Variants in C9orf43 observed in about 807,000 individuals in gnomAD.
C9orf43 encodes chromosome 9 open reading frame 43, also known as uncharacterized protein C9orf43.
In C9orf43, 45 loss-of-function variants were observed where a neutral mutation model predicts 59.1. That is an observed-to-expected ratio of 0.76 (90% CI 0.60 to 0.98). The LOEUF (loss-of-function observed/expected upper bound fraction) is 0.98. C9orf43 is among the 50% of genes least tolerant of loss of function. The pLI is 0.00. For synonymous variants in C9orf43, 203 were observed against 196.8 expected (o/e 1.03, Z -0.26); for missense variants, 533 against 554.9 (o/e 0.96, Z 0.40).
At chr9:113,419,310 T>G in intron 4 of C9orf43, 145 bp downstream of exon 4, 936 of 522,896 alleles carry the variant, frequency 1.8e-3, no homozygotes, top group East Asian at 3.7e-3. Context: ...TATTGGGCCC[T>G]TCCTGTATGC....
rs772986146 is a variant in C9orf43 at position 113,425,681 on chromosome 9, G to C, written c.981G>C (p.Gln327His). The change falls in exon 11 of 14, where the codon CAG becomes CAC. Residue 327 changes from glutamine (Q) to histidine (H), a missense_variant. Transcript: ENST00000374165. ...AAGCCAAGAGTGATCCAGGGATCCA[G>C]AGCACTTCACATAAACATCCAGTTA... ...KKKAKSDPGIQSTSHKHPVTT... is the reference protein window; with the variant it reads ...KKKAKSDPGIHSTSHKHPVTT... 2.5e-6 allele frequency: 4 copies of C among 1,614,150 alleles called. No individual in the cohort carries two copies. The highest frequency in any genetic ancestry group is 3.4e-6 in the Non-Finnish European group (4 of 1,180,010).
chr9:113,423,508 A>G lies in C9orf43; in HGVS notation c.656+10A>G, dbSNP rs1345105637. On this transcript the variant is annotated intron_variant, in intron 7 of 13. Coordinates refer to ENST00000374165, the MANE Select transcript of C9orf43 (RefSeq NM_001278629.2). ...AGGATCTACTGAAGGAGTAAGTATCATGTAGGTCTGTGGGAGAGCCAGAGC... is the reference window on the plus strand; with the variant it reads ...AGGATCTACTGAAGGAGTAAGTATCGTGTAGGTCTGTGGGAGAGCCAGAGC... The G allele has an allele frequency of 1.2e-6, 2 of 1,607,242 alleles. No homozygotes were observed. Among genetic ancestry groups the G allele is most frequent in the Non-Finnish European group, 1.7e-6 (2 of 1,174,174 alleles).
chr9:113,422,678 C>G (rs1018771724), intron 6 of C9orf43, 93 bp downstream of exon 6: 15 of 1,437,798 alleles, frequency 1.0e-5, no homozygotes, highest in Non-Finnish European at 1.4e-5. Flanking sequence ...TACCCCCGTT[C>G]TTTCCTGAAA....
At position 113,429,531 on chromosome 9, in the gene C9orf43, G is replaced by C; in HGVS notation, c.*145G>C. On this transcript the variant is annotated 3_prime_UTR_variant, in exon 14 of 14. Transcript: ENST00000374165. ...CTCTCTGGAGCCTTTACCAGGGCCT[G>C]AGCTCTGAGCTTAGGGATTCCATTT... The C allele has an allele frequency of 1.6e-6, 1 of 644,740 alleles. No homozygotes were observed. The allele number at this position is 644,740 out of a possible 1,614,324, so 39.9% of individuals were successfully genotyped here.
At position 113,429,256 on chromosome 9, in the gene C9orf43, A is replaced by T. The variant is rs1416595880; in HGVS notation, c.1256A>T (p.Gln419Leu). The stretch of plus-strand genomic sequence containing the variant: ...GTGCCAGAAGCCCAGGCTGCCAGGC[A>T]AAAGAAGATCTCCTTTAACTTTTCA... ...DAVPEAQAAR[Q>L]KKISFNFSEI... The change falls in exon 14 of 14, where the codon CAA becomes CTA. Residue 419 changes from glutamine (Q) to leucine (L), a missense_variant. By Grantham distance (113) the Gln-to-Leu change is moderately radical. Coordinates refer to ENST00000374165, the MANE Select transcript of C9orf43 (RefSeq NM_001278629.2). The T allele has an allele frequency of 4.3e-6, 7 of 1,614,144 alleles. No homozygotes were observed.
intron 12 of C9orf43, 123 bp downstream of exon 12, chr9:113,428,346 T>C (rs1828866399): frequency 2.0e-6 from 2 of 983,544 alleles, no homozygotes; most frequent in Non-Finnish European, 1.6e-6. Context: ...ACTGGACAGT[T>C]GTTCTTCTCC....
At chr9:113,426,933 T>C (rs747675118) in intron 11 of C9orf43, among the ~76,000 whole-genome samples, 2 of 152,102 alleles carry the variant, frequency 1.3e-5, no homozygotes, top group African/African-American at 2.4e-5. Flanking sequence ...TTTCCTGATA[T>C]GGGAAAGAAC....
At chr9:113,418,505 G>A (rs1014507015) in intron 3 of C9orf43, among the ~76,000 whole-genome samples, 2 of 152,162 alleles carry the variant, frequency 1.3e-5, no homozygotes, top group South Asian at 4.1e-4. Flanking sequence ...CAATGGTAAA[G>A]TTTAATTTAT....
chr9:113,410,947 A>C lies in C9orf43; in HGVS notation c.-104A>C. On this transcript the variant is annotated 5_prime_UTR_variant, in exon 1 of 14. Transcript: ENST00000374165. Reference sequence around the variant, plus strand: ...GAGTGGGCAGTCTTTTTCCATCTCTACCGAAGTTGATGTTCATTTTTAATC... The same window carrying C: ...GAGTGGGCAGTCTTTTTCCATCTCTCCCGAAGTTGATGTTCATTTTTAATC... 1.0e-6 allele frequency: 1 copy of C among 986,158 alleles called. No individual in the cohort carries two copies. Among genetic ancestry groups the C allele is most frequent in the Non-Finnish European group, 1.2e-6 (1 of 830,408 alleles). 61.1% of individuals were successfully genotyped at this position (986,158 alleles called of 1,614,324 possible).
At chr9:113,417,669 G>T (rs566274784) in intron 3 of C9orf43, among the ~76,000 whole-genome samples, 1 of 152,334 alleles carries the variant, frequency 6.6e-6, no homozygotes, top group East Asian at 1.9e-4. Flanking sequence ...TGAAATGGGG[G>T]TTGTAGGTGG....
chr9:113,411,429 G>T (rs35120599), intron 1 of C9orf43, among the ~76,000 whole-genome samples: 1 of 151,590 alleles, frequency 6.6e-6, no homozygotes, highest in African/African-American at 2.4e-5. Context: ...CTCCTTAGTA[G>T]CTGGGACTAC....
At position 113,410,750 on chromosome 9, in the gene C9orf43, ACC is replaced by A. The variant is rs1489847885; in HGVS notation, c.-299_-298del. On this transcript the variant is annotated 5_prime_UTR_variant, in exon 1 of 14. Transcript: ENST00000374165. ...ACTCGGCGGGGCGGATCCCTTTAGG[ACC>A]CGAGGCAGGCTCTGGGCCCGCCGGG... The A allele has an allele frequency of 4.8e-5, 10 of 206,742 alleles. No individual in the cohort carries two copies. The highest frequency in any genetic ancestry group is 2.1e-4 in the African/African-American group (9 of 42,888). The allele number at this position is 206,742 out of a possible 1,614,324, so 12.8% of individuals were successfully genotyped here.
chr9:113,421,324 GAGA>G lies in C9orf43; in HGVS notation c.446+124_446+126del, dbSNP rs1828562989. 2 of 693,684 alleles carry G rather than the reference GAGA, an allele frequency of 2.9e-6. 1 individual carries two copies. The highest frequency in any genetic ancestry group is 4.6e-5 in the Admixed American group (2 of 43,258). The allele number at this position is 693,684 out of a possible 1,614,324, so 43.0% of individuals were successfully genotyped here. Reference sequence around the variant, plus strand: ...ATTGCAAGTAGCAGGAGGCCAAGCAGAGAAGGTCGTGGTCTGTTGCATCTGCCT... The same window carrying G: ...ATTGCAAGTAGCAGGAGGCCAAGCAGAGGTCGTGGTCTGTTGCATCTGCCT... On this transcript the variant is annotated intron_variant, in intron 5 of 13. Transcript: ENST00000374165.
intron 4 of C9orf43, 103 bp downstream of exon 4, chr9:113,419,268 TC>T: frequency 1.2e-6 from 1 of 857,022 alleles, no homozygotes; most frequent in South Asian, 1.7e-5. Context: ...AGGACTAAAA[TC>T]TGAATAGTAA....
Position 113,425,738 on chromosome 9 carries a change from G to A in C9orf43, c.1030+8G>A. 6.2e-7 allele frequency: 1 copy of A among 1,607,472 alleles called. No homozygotes were observed. On this transcript the variant is annotated splice_region_variant and intron_variant, in intron 11 of 13. Coordinates refer to ENST00000374165, the MANE Select transcript of C9orf43 (RefSeq NM_001278629.2). ...TTCATGACCGTCTCTATGGTAAGGGGAATATATGCTTGGTTGGGGGTGATA... is the reference window on the plus strand; with the variant it reads ...TTCATGACCGTCTCTATGGTAAGGGAAATATATGCTTGGTTGGGGGTGATA...
At chr9:113,420,868 T>A in intron 4 of C9orf43, 1 of 759,834 alleles carries the variant, frequency 1.3e-6, no homozygotes, top group Non-Finnish European at 1.6e-6. Flanking sequence ...GCTACCCTAA[T>A]GGCACAGGGA....
intron 7 of C9orf43, 128 bp from the exon 8 acceptor site, chr9:113,424,038 C>T (rs186316231): frequency 2.0e-5 from 20 of 988,424 alleles, no homozygotes; most frequent in Admixed American, 1.3e-4. Context: ...CAAATGAACA[C>T]TTGTTGGTAC....
chr9:113,426,040 A>G (rs1828781188), intron 11 of C9orf43, among the ~76,000 whole-genome samples: 1 of 152,172 alleles, frequency 6.6e-6, no homozygotes, highest in Non-Finnish European at 1.5e-5. Context: ...GGATCAGGAG[A>G]GGAACAAGCC....
In C9orf43 at chr9:113,422,581, CA is replaced by C. The variant is rs1564408958; in HGVS notation, c.480del (p.Val161Ter). On this transcript the variant is annotated frameshift_variant, in exon 6 of 14. Coordinates refer to ENST00000374165, the MANE Select transcript of C9orf43 (RefSeq NM_001278629.2). LOFTEE classifies it high-confidence loss of function. ...GGGAAGAAGAAAAGAAAGAACTCGG[CA>C]GTGGTGAGTTTGATGTTTTTGTGCA... ...QHGKKKRKNS[A>X]VKSKSFLGLS... 6.2e-7 allele frequency: 1 copy of C among 1,613,862 alleles called. No individual in the cohort carries two copies. Among genetic ancestry groups the C allele is most frequent in the East Asian group, 2.2e-5 (1 of 44,854 alleles).
Sources: gnomAD v4.1 joint callset for allele counts (sites outside exome capture counted in the v4.1 genomes callset) on GRCh38, gnomAD v4.1.1 for gene constraint, MANE v1.5 for transcripts, NCBI Gene and HGNC (gene_info 2026-07-23, HGNC 2026-07-21) for gene names.